RPS6KA5: variants seen among roughly 807,000 people sequenced by gnomAD.
The protein encoded by RPS6KA5 is ribosomal protein S6 kinase A5.
Under a neutral mutation model 85.5 loss-of-function variants are expected in RPS6KA5, and 27 were observed. The ratio of observed to expected loss-of-function variants is 0.32; its 90% CI spans 0.23 to 0.44. The LOEUF (loss-of-function observed/expected upper bound fraction) is 0.44. RPS6KA5 is among the 20% of genes least tolerant of loss of function. The pLI is 1.00. For missense variants in RPS6KA5, 811 were observed against 980.9 expected (o/e 0.83, Z 2.31); for synonymous variants, 334 against 348.2 (o/e 0.96, Z 0.46).
At chr14:90,924,752 G>T (rs1156516359) in intron 5 of RPS6KA5, among the ~76,000 whole-genome samples, 2 of 152,164 alleles carry the variant, frequency 1.3e-5, no homozygotes, top group Non-Finnish European at 2.9e-5. Context: ...CAATCAAGGA[G>T]GCTTCATTGC....
intron 1 of RPS6KA5, among the ~76,000 whole-genome samples, chr14:91,041,560 C>T (rs769896571): frequency 6.6e-6 from 1 of 152,198 alleles, no homozygotes; most frequent in Non-Finnish European, 1.5e-5. Flanking sequence ...CTCCTGTCTA[C>T]AGGGTCCAAT....
intron 5 of RPS6KA5, among the ~76,000 whole-genome samples, chr14:90,927,937 C>CTTTTCTTTT (rs1555363688): frequency 5.1e-5 from 7 of 136,490 alleles, no homozygotes; most frequent in South Asian, 2.3e-4. Context: ...CTTTTCTTTT[C>CTTTTCTTTT]TTTTTTTTTT....
At chr14:91,031,514 G>A (rs1435563163) in intron 1 of RPS6KA5, among the ~76,000 whole-genome samples, 2 of 152,084 alleles carry the variant, frequency 1.3e-5, no homozygotes, top group Non-Finnish European at 2.9e-5. Flanking sequence ...AATCCAGAAT[G>A]GAAGAGACGG....
At chr14:91,011,680 A>G (rs890014741) in intron 1 of RPS6KA5, among the ~76,000 whole-genome samples, 1 of 152,124 alleles carries the variant, frequency 6.6e-6, no homozygotes, top group Non-Finnish European at 1.5e-5. Context: ...CATTCTCACC[A>G]TGGAAAGGTA....
rs1345367638 is a variant in RPS6KA5 at position 90,871,293 on chromosome 14, T to C, written c.*781A>G. 3.3e-5 allele frequency: 5 copies of C among 152,564 alleles called. No homozygotes were observed. Among genetic ancestry groups the C allele is most frequent in the South Asian group, 2.1e-4 (1 of 4,832 alleles). 9.5% of individuals were successfully genotyped at this position (152,564 alleles called of 1,614,324 possible). A position where few individuals can be genotyped will look rare whatever the true frequency, so the allele number is the denominator to read the frequency against. On this transcript the variant is annotated 3_prime_UTR_variant, in exon 17 of 17. Transcript: ENST00000614987. ...GCTTTAAACAGTGCACTTTATAAAA[T>C]AGTTTGCTTTATTCATACTTTTTTA...
chr14:90,925,204 G>A (rs1487603516), intron 5 of RPS6KA5, among the ~76,000 whole-genome samples: 4 of 152,136 alleles, frequency 2.6e-5, no homozygotes, highest in Non-Finnish European at 4.4e-5. Context: ...ACGGTGGAAA[G>A]GTGAGTTGTT....
chr14:90,864,524 TAAATA>T lies in RPS6KA5; in HGVS notation c.*7545_*7549del, dbSNP rs1284776925. On this transcript the variant is annotated 3_prime_UTR_variant, in exon 17 of 17. Coordinates refer to ENST00000614987, the MANE Select transcript of RPS6KA5 (RefSeq NM_004755.4). The stretch of plus-strand genomic sequence containing the variant: ...AATACGACGCAAAAGTATTAGCAAT[TAAATA>T]AAAGACTGGTATATTGGACTTCATA... 14 of 152,308 alleles carry T rather than the reference TAAATA, an allele frequency of 9.2e-5. No homozygotes were observed. The highest frequency in any genetic ancestry group is 2.9e-4 in the African/African-American group (12 of 41,568). 9.4% of individuals were successfully genotyped at this position (152,308 alleles called of 1,614,324 possible). A position where few individuals can be genotyped will look rare whatever the true frequency, so the allele number is the denominator to read the frequency against.
chr14:90,940,509 AT>A (rs1049026127), intron 5 of RPS6KA5, among the ~76,000 whole-genome samples: 1 of 152,108 alleles, frequency 6.6e-6, no homozygotes, highest in African/African-American at 2.4e-5. Flanking sequence ...GTCAACTTTG[AT>A]TTTTATTTGT....
At chr14:91,001,053 T>G in intron 2 of RPS6KA5, 35 bp downstream of exon 2, 1 of 1,228,910 alleles carries the variant, frequency 8.1e-7, no homozygotes, top group Non-Finnish European at 1.2e-6. Context: ...TAAGTACTTT[T>G]TTTTTTCCTT....
chr14:91,050,657 G>T (rs993102868), intron 1 of RPS6KA5, among the ~76,000 whole-genome samples: 2 of 151,978 alleles, frequency 1.3e-5, no homozygotes, highest in African/African-American at 2.4e-5. Flanking sequence ...TCAAACTCCC[G>T]ACCCCAGGTG....
intron 5 of RPS6KA5, among the ~76,000 whole-genome samples, chr14:90,927,829 A>G (rs2036754183): frequency 6.6e-6 from 1 of 152,158 alleles, no homozygotes; most frequent in African/African-American, 2.4e-5. Context: ...GATATTCAAG[A>G]TTTGAATGAT....
At chr14:90,885,552 CAAAAAAAAAAAAAAAAAAAAA>C (rs780292114) in intron 14 of RPS6KA5, among the ~76,000 whole-genome samples, 10 of 19,876 alleles carry the variant, frequency 5.0e-4, no homozygotes, top group Admixed American at 2.1e-3. Context: ...GACTCCGTCT[CAAAAAAAAAAAAAAAAAAAAA>C]AAAAAAAAAA....
intron 2 of RPS6KA5, among the ~76,000 whole-genome samples, chr14:90,983,402 C>A (rs962430858): frequency 3.3e-5 from 5 of 151,776 alleles, no homozygotes; most frequent in African/African-American, 1.2e-4. Flanking sequence ...GAGTTTAAGA[C>A]AAACCTAGGC....
rs2032311892 is a variant in RPS6KA5 at position 90,856,852 on chromosome 14, A to G, written c.*15222T>C. The stretch of plus-strand genomic sequence containing the variant: ...CCCCTCCCACCAGCCCCTGAAAAAC[A>G]CTAATCTTTCTGTCTCTATGGATTT... On this transcript the variant is annotated 3_prime_UTR_variant, in exon 17 of 17. Transcript: ENST00000614987. 1 of 168,760 alleles carries G rather than the reference A, an allele frequency of 5.9e-6. No individual in the cohort carries two copies. The highest frequency in any genetic ancestry group is 2.4e-5 in the African/African-American group (1 of 41,790). 10.5% of individuals were successfully genotyped at this position (168,760 alleles called of 1,614,324 possible).
intron 8 of RPS6KA5, among the ~76,000 whole-genome samples, chr14:90,903,493 C>T (rs568520873): frequency 6.6e-6 from 1 of 152,310 alleles, no homozygotes; most frequent in African/African-American, 2.4e-5. Context: ...CAGGCATGTG[C>T]TTATGTCTAG....
chr14:90,899,367 G>C lies in RPS6KA5; in HGVS notation c.1435C>G (p.Pro479Ala). The C allele has an allele frequency of 6.2e-7, 1 of 1,612,956 alleles. No homozygotes were observed. Among genetic ancestry groups the C allele is most frequent in the Non-Finnish European group, 8.5e-7 (1 of 1,179,608 alleles). The change falls in exon 12 of 17, where the codon CCC becomes GCC. Residue 479 changes from proline (P) to alanine (A), a missense_variant. Physicochemically the swap from Pro to Ala is conservative, Grantham distance 27. Transcript: ENST00000614987. The stretch of plus-strand genomic sequence containing the variant: ...ACTTCATGCAACTTCACAATATTGG[G>C]GTGTCCTTCACAGAGTTTCAGAGCT... The part of the protein sequence containing the change: ...ITALKLCEGH[P>A]NIVKLHEVFH...
intron 3 of RPS6KA5, among the ~76,000 whole-genome samples, chr14:90,949,852 A>C (rs2038081962): frequency 6.6e-6 from 1 of 152,274 alleles, no homozygotes; most frequent in African/African-American, 2.4e-5. Flanking sequence ...TATAAATCTA[A>C]GGAGACATAC....
Position 90,858,969 on chromosome 14 carries a change from C to T in RPS6KA5, c.*13105G>A, listed in dbSNP as rs1395079709. 6.6e-6 allele frequency: 1 copy of T among 152,196 alleles called. No homozygotes were observed. The highest frequency in any genetic ancestry group is 1.5e-5 in the Non-Finnish European group (1 of 68,074). The allele number at this position is 152,196 out of a possible 1,614,324, so 9.4% of individuals were successfully genotyped here. ...CCTTGAGGTGTCTGCCAATTGCAGA[C>T]TCCTGTGCAACAAGGTGAGACTTCA... On this transcript the variant is annotated 3_prime_UTR_variant, in exon 17 of 17. Coordinates refer to ENST00000614987, the MANE Select transcript of RPS6KA5 (RefSeq NM_004755.4).
chr14:91,035,840 T>A (rs1468013280), intron 1 of RPS6KA5, among the ~76,000 whole-genome samples: 1 of 66,608 alleles, frequency 1.5e-5, no homozygotes, highest in African/African-American at 7.1e-5. Context: ...GATGAAACCC[T>A]CACCTTCAAA....
Sources: gnomAD v4.1 joint callset for allele counts (sites outside exome capture counted in the v4.1 genomes callset) on GRCh38, gnomAD v4.1.1 for gene constraint, MANE v1.5 for transcripts, NCBI Gene and HGNC (gene_info 2026-07-23, HGNC 2026-07-21) for gene names.